CAMTA1: variants seen among roughly 807,000 people sequenced by gnomAD.
The protein encoded by CAMTA1 is calmodulin binding transcription activator 1.
A neutral mutation model predicts 170.9 loss-of-function variants in CAMTA1; 27 were observed. That is an observed-to-expected ratio of 0.16 (90% CI 0.12 to 0.22). CAMTA1 has a LOEUF of 0.22. Ranked by LOEUF, CAMTA1 falls within the 10% of genes least tolerant of loss-of-function variation. The probability of loss-of-function intolerance (pLI) is 1.00; values close to 1 mark genes in which losing one functional copy is unlikely to be tolerated. For missense variants in CAMTA1, 1,619 were observed against 2,217.2 expected (o/e 0.73, Z 5.42); for synonymous variants, 833 against 891.5 (o/e 0.93, Z 1.17).
intron 11 of CAMTA1, among the ~76,000 whole-genome samples, chr1:7,691,517 T>C (rs2096311380): frequency 6.6e-6 from 1 of 151,934 alleles, no homozygotes; most frequent in Non-Finnish European, 1.5e-5. Flanking sequence ...TGGCTAGAGA[T>C]GATGGTAACT....
chr1:7,717,697 C>A (rs1040425696), intron 11 of CAMTA1, among the ~76,000 whole-genome samples: 1 of 151,778 alleles, frequency 6.6e-6, no homozygotes, highest in African/African-American at 2.4e-5. Context: ...CACTGCACTC[C>A]AGCCTGAGCA....
chr1:6,809,154 G>C (rs941675120), intron 1 of CAMTA1, among the ~76,000 whole-genome samples: 3 of 151,750 alleles, frequency 2.0e-5, no homozygotes, highest in African/African-American at 4.8e-5. Flanking sequence ...AGCCTCCCGA[G>C]TAGCTGGGAT....
chr1:6,837,963 A>G lies in CAMTA1; in HGVS notation c.234+12753A>G, dbSNP rs182672013. 1.1e-4 allele frequency among the ~76,000 whole-genome samples: 17 copies of G among 152,220 alleles called. No individual in the cohort carries two copies. The South Asian group carries it at 2.3e-3, about 20-fold the overall frequency. On this transcript the variant is annotated intron_variant, in intron 3 of 22. Coordinates refer to ENST00000303635, the MANE Select transcript of CAMTA1 (RefSeq NM_015215.4). ...TGTAAATTACATCTTTTCACTGTGT[A>G]TTGTCTGGCTGCCACTGCTAGACTC...
intron 11 of CAMTA1, among the ~76,000 whole-genome samples, chr1:7,689,141 C>T (rs1374321116): frequency 6.6e-6 from 1 of 151,190 alleles, no homozygotes; most frequent in Admixed American, 6.6e-5. Context: ...ACAGGTGGCA[C>T]CTGTGGTCCC....
intron 3 of CAMTA1, among the ~76,000 whole-genome samples, chr1:6,916,911 C>T (rs986487728): frequency 3.3e-5 from 5 of 152,112 alleles, no homozygotes; most frequent in African/African-American, 4.8e-5. Flanking sequence ...TGTAGGGAGG[C>T]GGAGGCCTGT....
At chr1:7,428,497 C>T (rs1008153886) in intron 5 of CAMTA1, among the ~76,000 whole-genome samples, 7 of 152,080 alleles carry the variant, frequency 4.6e-5, no homozygotes, top group Non-Finnish European at 1.0e-4. Flanking sequence ...CCTCTGGTGG[C>T]TTCCCGGAGC....
At chr1:7,255,799 T>G (rs1667281986) in intron 5 of CAMTA1, among the ~76,000 whole-genome samples, 1 of 152,204 alleles carries the variant, frequency 6.6e-6, no homozygotes, top group Non-Finnish European at 1.5e-5. Flanking sequence ...GCTTCCACAG[T>G]TACACTTCCT....
rs181667752 is a variant in CAMTA1, at chr1:7,113,479, G to C, written c.302+22108G>C. On this transcript the variant is annotated intron_variant, in intron 4 of 22. Transcript: ENST00000303635. This position sits in a 1 kb window ranked among gnomAD's most constrained non-coding sequence, Gnocchi z 4.5. ...GATCTAGGGGCCAGAGTGGCTCCCG[G>C]TCAGTGTCTAGGAATGGAGAGGGAG... Among the ~76,000 whole-genome samples the C allele has an allele frequency of 2.6e-4, 40 of 152,298 alleles. 2 individuals are homozygous for C. The highest frequency in any genetic ancestry group is 2.5e-3 in the Admixed American group (38 of 15,296).
At chr1:7,012,036 A>G (rs1041347667) in intron 3 of CAMTA1, among the ~76,000 whole-genome samples, 2 of 151,982 alleles carry the variant, frequency 1.3e-5, no homozygotes, top group African/African-American at 2.4e-5. Flanking sequence ...CATCATGCTC[A>G]CTGGGGGAAA....
intron 4 of CAMTA1, among the ~76,000 whole-genome samples, chr1:7,174,573 G>A (rs959038781): frequency 2.6e-5 from 4 of 152,202 alleles, no homozygotes; most frequent in Non-Finnish European, 5.9e-5. Context: ...ACATTGCCTC[G>A]TCACAGACCA....
intron 3 of CAMTA1, among the ~76,000 whole-genome samples, chr1:6,942,561 A>C (rs1440110728): frequency 1.3e-5 from 2 of 152,234 alleles, no homozygotes; most frequent in Non-Finnish European, 2.9e-5. Context: ...TGGGAGGCTA[A>C]GGTGAGAGGA....
At chr1:7,284,135 CT>C (rs1671924706) in intron 5 of CAMTA1, among the ~76,000 whole-genome samples, 1 of 69,032 alleles carries the variant, frequency 1.4e-5, no homozygotes, top group African/African-American at 6.1e-5. Context: ...TGTTCTTCTT[CT>C]TCTTCTTCTT....
At chr1:7,746,343 A>T (rs1172954633) in intron 18 of CAMTA1, among the ~76,000 whole-genome samples, 2 of 152,214 alleles carry the variant, frequency 1.3e-5, no homozygotes, top group East Asian at 3.9e-4. Context: ...TAAAGTGTGC[A>T]GTGTGGGGGC....
At chr1:7,052,365 C>G (rs1706542576) in intron 3 of CAMTA1, among the ~76,000 whole-genome samples, 1 of 152,132 alleles carries the variant, frequency 6.6e-6, no homozygotes, top group Admixed American at 6.5e-5. Flanking sequence ...ATCCCTAGGC[C>G]CTGGGTCTGT....
intron 11 of CAMTA1, among the ~76,000 whole-genome samples, chr1:7,701,331 T>A (rs2096437296): frequency 6.6e-6 from 1 of 152,178 alleles, no homozygotes; most frequent in Non-Finnish European, 1.5e-5. Flanking sequence ...CCCTTCTTCC[T>A]CCTCTGCAAC....
rs1296659184 is a variant in CAMTA1, at chr1:7,681,148, T to C, written c.2914+3415T>C. On this transcript the variant is annotated intron_variant, in intron 11 of 22. Transcript: ENST00000303635. This position sits in a 1 kb window ranked among gnomAD's most constrained non-coding sequence, Gnocchi z 4.6. ...CCAGACCTAGGGGTCTTCCCCTCCC[T>C]TCCCCTGCGCCCCACTGTGAGCTCC... Among the ~76,000 whole-genome samples, 1 of 152,056 alleles carries C rather than the reference T, an allele frequency of 6.6e-6. No individual in the cohort carries two copies. The highest frequency in any genetic ancestry group is 2.4e-5 in the African/African-American group (1 of 41,444).
chr1:7,746,235 T>G, intron 18 of CAMTA1, 144 bp downstream of exon 18: 1 of 798,650 alleles, frequency 1.3e-6, no homozygotes, highest in Non-Finnish European at 2.0e-6. Context: ...TCCAATTTAT[T>G]AAGATTCACT....
intron 3 of CAMTA1, among the ~76,000 whole-genome samples, chr1:7,084,980 T>A (rs1009219798): frequency 2.0e-5 from 3 of 152,268 alleles, no homozygotes; most frequent in African/African-American, 7.2e-5. Context: ...TCTAGAAATT[T>A]TAAAAATCTT....
intron 5 of CAMTA1, among the ~76,000 whole-genome samples, chr1:7,380,943 G>A (rs1459172072): frequency 6.6e-6 from 1 of 152,144 alleles, no homozygotes; most frequent in East Asian, 1.9e-4. Context: ...CTCACTCTGA[G>A]CCAGACTCTG....
Sources: allele counts gnomAD v4.1 joint callset (sites outside exome capture counted in the v4.1 genomes callset), GRCh38; gene constraint gnomAD v4.1.1; non-coding constraint Gnocchi (gnomAD v3.1); transcripts MANE v1.5; gene names NCBI Gene and HGNC (gene_info 2026-07-23, HGNC 2026-07-21).